ZNF532: variants seen among roughly 807,000 people sequenced by gnomAD.
ZNF532 encodes zinc finger protein 532.
A neutral mutation model predicts 89.3 loss-of-function variants in ZNF532; 22 were observed. That is an observed-to-expected ratio of 0.25 (90% CI 0.18 to 0.35). The LOEUF (loss-of-function observed/expected upper bound fraction) is 0.35. Among genes scored for constraint, ZNF532 ranks in the 10% least tolerant of loss-of-function variants. The pLI is 1.00. For synonymous variants in ZNF532, 606 were observed against 649.6 expected (o/e 0.93, Z 1.02); for missense variants, 1,132 against 1,643.4 (o/e 0.69, Z 5.38).
chr18:58,899,121 C>T (rs879649104), intron 2 of ZNF532, among the ~76,000 whole-genome samples: 1 of 152,182 alleles, frequency 6.6e-6, no homozygotes, highest in African/African-American at 2.4e-5. Flanking sequence ...CCGGACACAG[C>T]GAGTCCGTGT....
At position 58,977,305 on chromosome 18, in the gene ZNF532, C is replaced by G. The variant is rs180969824; in HGVS notation, c.3151-1750C>G. On this transcript the variant is annotated intron_variant, in intron 7 of 9. Transcript: ENST00000591808. ...GCGATGTGTCCCATGCTGCCTGCCC[C>G]CTTTGTTAATCATCCCCGTGTTCTC... 1.1e-4 allele frequency among the ~76,000 whole-genome samples: 16 copies of G among 152,284 alleles called. No individual in the cohort carries two copies. The East Asian group carries it at 2.5e-3, about 24-fold the overall frequency.
chr18:58,879,221 G>C (rs1313775531), intron 2 of ZNF532, among the ~76,000 whole-genome samples: 1 of 152,174 alleles, frequency 6.6e-6, no homozygotes, highest in Non-Finnish European at 1.5e-5. Flanking sequence ...TCTGGCCAAG[G>C]CGTTCCTCAT....
At chr18:58,930,968 G>A (rs1568353311) in intron 3 of ZNF532, among the ~76,000 whole-genome samples, 1 of 152,118 alleles carries the variant, frequency 6.6e-6, no homozygotes, top group South Asian at 2.1e-4. Context: ...ATTGCAAAGC[G>A]TGGAATGTGG....
At chr18:58,956,011 G>A (rs1037235028) in intron 7 of ZNF532, among the ~76,000 whole-genome samples, 2 of 152,152 alleles carry the variant, frequency 1.3e-5, no homozygotes, top group African/African-American at 2.4e-5. Context: ...CTTTCATTTC[G>A]TGAGATTTCT....
At chr18:58,969,224 C>G (rs1329164291) in intron 7 of ZNF532, among the ~76,000 whole-genome samples, 2 of 152,176 alleles carry the variant, frequency 1.3e-5, no homozygotes, top group African/African-American at 4.8e-5. Flanking sequence ...AGTGAGAACA[C>G]AGTCTTACTG....
chr18:58,895,933 C>T (rs1426959136), intron 2 of ZNF532, among the ~76,000 whole-genome samples: 2 of 151,814 alleles, frequency 1.3e-5, no homozygotes, highest in Non-Finnish European at 2.9e-5. Flanking sequence ...TCACTGGCAG[C>T]CTTGAGCTCC....
At chr18:58,932,986 C>T (rs1255951215) in intron 3 of ZNF532, among the ~76,000 whole-genome samples, 1 of 151,922 alleles carries the variant, frequency 6.6e-6, no homozygotes, top group Non-Finnish European at 1.5e-5. Flanking sequence ...TTTTAAGATG[C>T]CTGTGGAAGT....
chr18:58,888,828 T>TTATATATATAATTTA (rs1385910636), intron 2 of ZNF532, among the ~76,000 whole-genome samples: 2 of 45,716 alleles, frequency 4.4e-5, no homozygotes, highest in Non-Finnish European at 6.4e-5. Context: ...TATATATAAA[T>TTATATATATAATTTA]TATATATATA....
intron 2 of ZNF532, among the ~76,000 whole-genome samples, chr18:58,911,391 G>C (rs747683237): frequency 5.9e-5 from 9 of 152,216 alleles, no homozygotes; most frequent in Non-Finnish European, 8.8e-5. Context: ...GAAAGAAAAG[G>C]GGGGATGGAG....
At chr18:58,968,030 GT>G (rs1307363812) in intron 7 of ZNF532, among the ~76,000 whole-genome samples, 4 of 152,210 alleles carry the variant, frequency 2.6e-5, no homozygotes, top group Admixed American at 1.3e-4. Context: ...GCAATAATGG[GT>G]TAGAACATGG....
chr18:58,961,472 G>A (rs530223273), intron 7 of ZNF532, among the ~76,000 whole-genome samples: 73 of 152,290 alleles, frequency 4.8e-4, no homozygotes, highest in African/African-American at 1.7e-3. Context: ...AAAAAAGACT[G>A]GCGAGTCCTG....
intron 7 of ZNF532, among the ~76,000 whole-genome samples, chr18:58,968,546 C>T (rs767889352): frequency 6.6e-6 from 1 of 152,210 alleles, no homozygotes; most frequent in Non-Finnish European, 1.5e-5. Flanking sequence ...CTCCCTGAAC[C>T]TTCTCCCTTG....
intron 5 of ZNF532, among the ~76,000 whole-genome samples, chr18:58,945,348 C>T (rs2063559129): frequency 6.6e-6 from 1 of 152,220 alleles, no homozygotes. Flanking sequence ...GGGCGACATC[C>T]ACCTGTCTTA....
intron 8 of ZNF532, 40 bp from the exon 9 acceptor site, chr18:58,981,430 T>C: frequency 6.3e-7 from 1 of 1,595,028 alleles, no homozygotes; most frequent in Non-Finnish European, 8.5e-7. Flanking sequence ...GAGCTTATTT[T>C]GTCAGCAAGT....
At position 58,900,281 on chromosome 18, in the gene ZNF532, C is replaced by T. The variant is rs370076370; in HGVS notation, c.-17-17990C>T. On this transcript the variant is annotated intron_variant, in intron 2 of 9. Transcript: ENST00000591808. ...GCTTTTGTTTTCCTAGGAGACTTGT[C>T]CATGCTTCTGCCTGGGGGATAAACT... Among the ~76,000 whole-genome samples the T allele has an allele frequency of 5.0e-4, 76 of 152,306 alleles. 1 individual carries two copies. The South Asian group carries it at 0.016, about 31-fold the overall frequency.
chr18:58,925,088 G>A (rs2061422410), intron 3 of ZNF532, among the ~76,000 whole-genome samples: 1 of 152,138 alleles, frequency 6.6e-6, no homozygotes, highest in Non-Finnish European at 1.5e-5. Flanking sequence ...ATTGTGTATA[G>A]GTTTTTTTGT....
intron 9 of ZNF532, 48 bp downstream of exon 9, chr18:58,981,665 C>A: frequency 5.0e-6 from 8 of 1,605,736 alleles, no homozygotes; most frequent in Non-Finnish European, 6.8e-6. Context: ...TGTTGACTTG[C>A]TTTTCCCATT....
chr18:58,983,118 AAAG>A (rs1308400635), intron 9 of ZNF532, among the ~76,000 whole-genome samples: 2 of 152,176 alleles, frequency 1.3e-5, no homozygotes, highest in African/African-American at 4.8e-5. Flanking sequence ...TCTTAAAAAA[AAAG>A]AAAGTGTGTG....
intron 8 of ZNF532, 144 bp from the exon 9 acceptor site, chr18:58,981,326 T>C (rs2147723351): frequency 2.9e-6 from 3 of 1,031,430 alleles, no homozygotes; most frequent in African/African-American, 1.6e-5. Context: ...AAATTGCTGA[T>C]TGCGTGTTGA....
Sources: gnomAD v4.1 joint callset for allele counts (sites outside exome capture counted in the v4.1 genomes callset) on GRCh38, gnomAD v4.1.1 for gene constraint, MANE v1.5 for transcripts, NCBI Gene and HGNC (gene_info 2026-07-23, HGNC 2026-07-21) for gene names.